FDFT1: variants seen among roughly 807,000 people sequenced by gnomAD.
FDFT1 encodes the protein farnesyl-diphosphate farnesyltransferase 1.
In FDFT1, 68 loss-of-function variants were observed where a neutral mutation model predicts 46.8. The ratio of observed to expected loss-of-function variants is 1.45; its 90% confidence interval spans 1.19 to 1.78. The LOEUF is 1.78. Among genes scored for constraint, FDFT1 ranks in the 40% most tolerant of loss-of-function variants. The pLI is 0.00. For missense variants in FDFT1, 928 were observed against 524.4 expected (o/e 1.77, Z -7.52); for synonymous variants, 351 against 185.1 (o/e 1.90, Z -7.28).
chr8:11,811,463 C>CT (rs1807700905), intron 3 of FDFT1, among the ~76,000 whole-genome samples: 2 of 152,214 alleles, frequency 1.3e-5, no homozygotes, highest in South Asian at 2.1e-4. Flanking sequence ...CAAGGCAGCC[C>CT]TATCCCCTCA....
At chr8:11,831,910 G>A in intron 7 of FDFT1, 1 of 402,114 alleles carries the variant, frequency 2.5e-6, no homozygotes, top group East Asian at 4.4e-5. Context: ...GTAGGTTGGA[G>A]CCCCTCAGTA....
At chr8:11,837,615 G>A (rs1343446231) in intron 7 of FDFT1, among the ~76,000 whole-genome samples, 3 of 152,114 alleles carry the variant, frequency 2.0e-5, no homozygotes, top group Non-Finnish European at 4.4e-5. Context: ...GACCATGGGT[G>A]GCCTTGCGCT....
chr8:11,809,930 G>A, intron 3 of FDFT1, 80 bp downstream of exon 3: 4 of 1,074,102 alleles, frequency 3.7e-6, no homozygotes, highest in Admixed American at 5.1e-5. Context: ...CTCCATACAT[G>A]TGGAGAAAGG....
intron 1 of FDFT1, among the ~76,000 whole-genome samples, chr8:11,806,408 G>C (rs1449879523): frequency 6.6e-6 from 1 of 152,144 alleles, no homozygotes; most frequent in African/African-American, 2.4e-5. Flanking sequence ...TTGGTGATTT[G>C]AAGAAACCTG....
chr8:11,808,590 G>A (rs1013243591), intron 1 of FDFT1: 7 of 1,386,250 alleles, frequency 5.0e-6, no homozygotes, highest in African/African-American at 1.5e-5. Flanking sequence ...TCCCGCCGCG[G>A]CGCCCAGGGG....
chr8:11,828,861 A>G (rs920750757), intron 5 of FDFT1, among the ~76,000 whole-genome samples: 1 of 152,232 alleles, frequency 6.6e-6, no homozygotes, highest in Non-Finnish European at 1.5e-5. Context: ...TTTATCGCCT[A>G]GTATTATTCC....
chr8:11,830,475 G>A (rs982088584), intron 6 of FDFT1, 55 bp downstream of exon 6: 12 of 1,301,426 alleles, frequency 9.2e-6, no homozygotes, highest in African/African-American at 2.9e-5. Context: ...TGGGGTAGGA[G>A]TAAGGGTGGA....
At chr8:11,797,868 A>C (rs1289455889), upstream of FDFT1, 1 of 152,180 alleles carries the variant, frequency 6.6e-6, no homozygotes, top group Non-Finnish European at 1.5e-5. Context: ...GGGGGACAAT[A>C]AGTGCTGCTA....
At chr8:11,827,772 G>GTGGC (rs1444250173) in intron 5 of FDFT1, among the ~76,000 whole-genome samples, 3 of 152,108 alleles carry the variant, frequency 2.0e-5, no homozygotes, top group Non-Finnish European at 4.4e-5. Flanking sequence ...GCTGGGCAAG[G>GTGGC]TGGCTCACGC....
chr8:11,838,713 C>T lies in FDFT1; in HGVS notation c.*104C>T, dbSNP rs1811916027. ...TTATTTTTTTCCTACTACTTTAATC[C>T]CTAAAAGAACGCTGTGTGGCTGGGA... is the stretch of plus-strand genomic sequence containing the variant. On this transcript the variant is annotated 3_prime_UTR_variant, in exon 8 of 8. Coordinates refer to ENST00000220584, the MANE Select transcript of FDFT1 (RefSeq NM_004462.5). 7 of 892,476 alleles carry T rather than the reference C, an allele frequency of 7.8e-6. No individual in the cohort carries two copies. Among genetic ancestry groups the T allele is most frequent in the South Asian group, 1.4e-5 (1 of 70,686 alleles). The allele number at this position is 892,476 out of a possible 1,614,324, so 55.3% of individuals were successfully genotyped here.
chr8:11,837,901 C>G (rs1036431991), intron 7 of FDFT1, among the ~76,000 whole-genome samples: 1 of 152,284 alleles, frequency 6.6e-6, no homozygotes, highest in Middle Eastern at 3.4e-3. Context: ...ACAGGGAGGA[C>G]TCCAGGGTGG....
chr8:11,803,348 G>T (rs1364906747), intron 1 of FDFT1: 24 of 1,291,168 alleles, frequency 1.9e-5, no homozygotes, highest in Non-Finnish European at 2.3e-5. Context: ...GCCGTTTCTG[G>T]AATGAAGTCT....
chr8:11,798,318 C>T (rs11995135), upstream of FDFT1, among the ~76,000 whole-genome samples: 23,951 of 152,182 alleles, frequency 0.16, 2,329 homozygotes, highest in East Asian at 0.39. Flanking sequence ...CATTGGTCTT[C>T]CCAAGTGCTG....
chr8:11,808,531 C>T (rs1807210516), intron 1 of FDFT1: 3 of 1,333,986 alleles, frequency 2.2e-6, no homozygotes, highest in Admixed American at 3.8e-5. Context: ...GCCGCAGCCG[C>T]CTGCGGCACC....
intron 1 of FDFT1, among the ~76,000 whole-genome samples, chr8:11,805,521 C>T (rs542247816): frequency 6.6e-6 from 1 of 152,276 alleles, no homozygotes; most frequent in South Asian, 2.1e-4. Flanking sequence ...CGATTTCTGA[C>T]GCTATTAAGT....
chr8:11,797,630 C>T (rs1170104478), upstream of FDFT1, among the ~76,000 whole-genome samples: 1 of 98,994 alleles, frequency 1.0e-5, no homozygotes, highest in African/African-American at 4.1e-5. Flanking sequence ...CTGTCTCTCA[C>T]ACACACTCAA....
chr8:11,798,861 A>T (rs1805824411), upstream of FDFT1, among the ~76,000 whole-genome samples: 1 of 152,226 alleles, frequency 6.6e-6, no homozygotes. Flanking sequence ...GTTGACTTAA[A>T]AAATATGATT....
Position 11,838,633 on chromosome 8 carries a change from G to C in FDFT1, c.*24G>C, listed in dbSNP as rs754999995. On this transcript the variant is annotated 3_prime_UTR_variant, in exon 8 of 8. Transcript: ENST00000220584. Reference sequence around the variant, plus strand: ...GATCCCAAATTTGTCCATAGCTGAAGTCCACCATAAAGTGGATTTACTTTT... The same window carrying C: ...GATCCCAAATTTGTCCATAGCTGAACTCCACCATAAAGTGGATTTACTTTT... The C allele has an allele frequency of 6.4e-7, 1 of 1,550,450 alleles. No individual in the cohort carries two copies. The highest frequency in any genetic ancestry group is 1.4e-5 in the African/African-American group (1 of 73,608).
chr8:11,795,973 A>G (rs1473526324), exon 1 of FDFT1: 1 of 152,250 alleles, frequency 6.6e-6, no homozygotes, highest in Non-Finnish European at 1.5e-5. Context: ...ACCAAGAACC[A>G]ACCAATTCCG....
Sources: allele counts gnomAD v4.1 joint callset (sites outside exome capture counted in the v4.1 genomes callset), GRCh38; gene constraint gnomAD v4.1.1; transcripts MANE v1.5; gene names NCBI Gene and HGNC (gene_info 2026-07-23, HGNC 2026-07-21).